Variants in PPP3CA observed in about 807,000 individuals in gnomAD.
PPP3CA encodes CAM-PRP catalytic subunit.
Under a neutral mutation model 66.5 loss-of-function variants are expected in PPP3CA, and 14 were observed. That is an observed-to-expected ratio of 0.21 (90% CI 0.14 to 0.33). PPP3CA has a LOEUF of 0.33. Among genes scored for constraint, PPP3CA ranks in the 10% least tolerant of loss-of-function variants. The probability of loss-of-function intolerance (pLI) is 1.00; values close to 1 mark genes in which losing one functional copy is unlikely to be tolerated. For synonymous variants in PPP3CA, 232 were observed against 226.2 expected, an observed-to-expected ratio of 1.03 and a Z score of -0.23; for missense variants, 317 against 639.5, an observed-to-expected ratio of 0.50 and a Z score of 5.44.
At chr4:101,122,849 T>C (rs7660974) in intron 2 of PPP3CA, among the ~76,000 whole-genome samples, 1 of 151,998 alleles carries the variant, frequency 6.6e-6, no homozygotes, top group Non-Finnish European at 1.5e-5. Context: ...CAGAATCCAA[T>C]GGTGAAGAAA....
chr4:101,232,970 A>C (rs1726010144), intron 1 of PPP3CA, among the ~76,000 whole-genome samples: 1 of 151,754 alleles, frequency 6.6e-6, no homozygotes, highest in Admixed American at 6.6e-5. Flanking sequence ...TCTACATATT[A>C]GGCTGCTATC....
chr4:101,102,277 G>A (rs1458599508), intron 3 of PPP3CA, among the ~76,000 whole-genome samples: 1 of 150,658 alleles, frequency 6.6e-6, no homozygotes, highest in East Asian at 2.0e-4. Context: ...AGGGAGGGAG[G>A]AAGGGAGGGA....
Position 101,122,761 on chromosome 4 carries a change from G to T in PPP3CA, c.260-13683C>A, listed in dbSNP as rs28548642. Among the ~76,000 whole-genome samples, 349 of 152,248 alleles carry T rather than the reference G, an allele frequency of 2.3e-3. 2 individuals are homozygous for T. Among genetic ancestry groups the T allele is most frequent in the African/African-American group, 8.2e-3 (339 of 41,532 alleles). On this transcript the variant is annotated intron_variant, in intron 2 of 13. Coordinates refer to ENST00000394854, the MANE Select transcript of PPP3CA (RefSeq NM_000944.5). ...AGGATGGTGACATTATATTATAAGG[G>T]TCTCAAATTCCAGCATAAGGTATTT...
At chr4:101,190,715 A>T (rs965423135) in intron 2 of PPP3CA, among the ~76,000 whole-genome samples, 1 of 152,038 alleles carries the variant, frequency 6.6e-6, no homozygotes, top group Non-Finnish European at 1.5e-5. Context: ...AAGAACTACG[A>T]ATGTTTTTTT....
intron 1 of PPP3CA, among the ~76,000 whole-genome samples, chr4:101,236,039 A>T (rs992156648): frequency 2.0e-5 from 3 of 151,906 alleles, no homozygotes; most frequent in African/African-American, 7.2e-5. Flanking sequence ...TCTGAAAAAA[A>T]AAAAGAAAAG....
chr4:101,216,077 T>A (rs963344400), intron 1 of PPP3CA, among the ~76,000 whole-genome samples: 5 of 152,154 alleles, frequency 3.3e-5, no homozygotes, highest in African/African-American at 1.2e-4. Flanking sequence ...CAAGATTTAA[T>A]ATCTAATAGA....
chr4:101,101,785 T>C (rs544590070), intron 3 of PPP3CA, among the ~76,000 whole-genome samples: 35 of 152,302 alleles, frequency 2.3e-4, no homozygotes, highest in African/African-American at 8.4e-4. Context: ...AGCCTCCTCC[T>C]AGTCAATATT....
chr4:101,316,347 T>C (rs986503579), intron 1 of PPP3CA, among the ~76,000 whole-genome samples: 1 of 150,286 alleles, frequency 6.7e-6, no homozygotes, highest in African/African-American at 2.5e-5. Flanking sequence ...CCAGAGTTAT[T>C]TCTTAGGGAG....
chr4:101,217,907 C>T (rs999288720), intron 1 of PPP3CA, among the ~76,000 whole-genome samples: 4 of 152,100 alleles, frequency 2.6e-5, no homozygotes, highest in African/African-American at 9.7e-5. Flanking sequence ...TGGACCTTTT[C>T]TACATTCCTG....
chr4:101,329,903 A>G (rs1729326260), intron 1 of PPP3CA, among the ~76,000 whole-genome samples: 1 of 152,128 alleles, frequency 6.6e-6, no homozygotes, highest in African/African-American at 2.4e-5. Flanking sequence ...GCTCTTTGCA[A>G]TGCACCTAGT....
intron 1 of PPP3CA, among the ~76,000 whole-genome samples, chr4:101,218,270 C>G (rs994095362): frequency 1.3e-5 from 2 of 151,960 alleles, no homozygotes; most frequent in Non-Finnish European, 2.9e-5. Context: ...GAATAATGCC[C>G]CTTTCCCAAA....
At chr4:101,257,870 T>C (rs1225455705) in intron 1 of PPP3CA, among the ~76,000 whole-genome samples, 1 of 152,130 alleles carries the variant, frequency 6.6e-6, no homozygotes, top group Non-Finnish European at 1.5e-5. Flanking sequence ...ATTATCTTTG[T>C]TTCCAAAACG....
At chr4:101,051,790 C>G (rs146398950) in intron 10 of PPP3CA, among the ~76,000 whole-genome samples, 68 of 152,138 alleles carry the variant, frequency 4.5e-4, no homozygotes, top group African/African-American at 1.6e-3. Context: ...TATGCAATAG[C>G]TAATGTTTAG....
chr4:101,225,117 C>T (rs572267580), intron 1 of PPP3CA, among the ~76,000 whole-genome samples: 1 of 151,950 alleles, frequency 6.6e-6, no homozygotes, highest in South Asian at 2.1e-4. Context: ...TGTTCTGAGA[C>T]TTTCCCTAAC....
chr4:101,124,661 GACAGAA>G (rs1488375012), intron 2 of PPP3CA, among the ~76,000 whole-genome samples: 11 of 108,928 alleles, frequency 1.0e-4, no homozygotes, highest in African/African-American at 4.0e-4. Flanking sequence ...GGGAGAGAGA[GACAGAA>G]AGAAAGAAAG....
chr4:101,125,188 C>G (rs555927737), intron 2 of PPP3CA, among the ~76,000 whole-genome samples: 3 of 152,180 alleles, frequency 2.0e-5, no homozygotes, highest in Non-Finnish European at 2.9e-5. Flanking sequence ...TTGCCATTCA[C>G]GAACATTACT....
At chr4:101,193,247 C>A (rs1181388604) in intron 2 of PPP3CA, among the ~76,000 whole-genome samples, 2 of 152,142 alleles carry the variant, frequency 1.3e-5, no homozygotes, top group African/African-American at 2.4e-5. Context: ...ATAAACATTT[C>A]ATTAAATTGG....
intron 1 of PPP3CA, among the ~76,000 whole-genome samples, chr4:101,218,154 A>G (rs1346586009): frequency 6.6e-6 from 1 of 152,038 alleles, no homozygotes; most frequent in Non-Finnish European, 1.5e-5. Context: ...ACTGTCAAAG[A>G]ATGAGTGTGA....
chr4:101,072,884 C>T (rs1017115584), intron 8 of PPP3CA, among the ~76,000 whole-genome samples: 3 of 145,428 alleles, frequency 2.1e-5, no homozygotes, highest in African/African-American at 5.1e-5. Context: ...TGCAGTGAGC[C>T]GAGATTGAGC....
Sources: allele counts gnomAD v4.1 joint callset (sites outside exome capture counted in the v4.1 genomes callset), GRCh38; gene constraint gnomAD v4.1.1; transcripts MANE v1.5; gene names NCBI Gene and HGNC (gene_info 2026-07-23, HGNC 2026-07-21).